The following MAST4 variants were observed in gnomAD, a reference collection of about 807,000 sequenced individuals.
The protein encoded by MAST4 is microtubule associated serine/threonine kinase family member 4, also known as microtubule-associated serine/threonine-protein kinase 4.
A neutral mutation model predicts 162.7 loss-of-function variants in MAST4; 89 were observed. The observed-to-expected ratio is 0.55, with a 90% CI of 0.46 to 0.65. The LOEUF is 0.65. Among genes scored for constraint, MAST4 ranks in the 30% least tolerant of loss-of-function variants. The probability of loss-of-function intolerance (pLI) is 0.00; values close to 1 mark genes in which losing one functional copy is unlikely to be tolerated. For synonymous variants in MAST4, 1,479 were observed against 1,361.1 expected (o/e 1.09, Z -1.91); for missense variants, 3,153 against 3,374.0 (o/e 0.93, Z 1.62).
intron 3 of MAST4, among the ~76,000 whole-genome samples, chr5:66,791,473 A>G (rs1199891193): frequency 6.6e-6 from 1 of 152,246 alleles, no homozygotes; most frequent in African/African-American, 2.4e-5. Context: ...ACATGAGAAG[A>G]GTACCTCCCA....
At chr5:67,024,465 G>A (rs983181571) in intron 4 of MAST4, among the ~76,000 whole-genome samples, 37 of 151,080 alleles carry the variant, frequency 2.4e-4, no homozygotes, top group Non-Finnish European at 5.3e-4. Context: ...AAAATGTGGG[G>A]TGTGTATATA....
At chr5:66,759,912 G>T in intron 2 of MAST4, 50 bp downstream of exon 2, 2 of 1,596,926 alleles carry the variant, frequency 1.3e-6, no homozygotes, top group South Asian at 2.2e-5. Flanking sequence ...TCTTTACAAG[G>T]TCCTGCATGG....
At chr5:66,933,186 A>G (rs1163464540) in intron 4 of MAST4, among the ~76,000 whole-genome samples, 3 of 152,142 alleles carry the variant, frequency 2.0e-5, no homozygotes, top group Non-Finnish European at 4.4e-5. Context: ...TACAGTTCTG[A>G]TAAACTCCCT....
At chr5:66,705,067 C>T (rs886340733) in intron 1 of MAST4, among the ~76,000 whole-genome samples, 1 of 152,140 alleles carries the variant, frequency 6.6e-6, no homozygotes, top group African/African-American at 2.4e-5. Flanking sequence ...TCCATAGTTC[C>T]TCTGCTGACC....
chr5:67,161,443 C>T lies in MAST4; in HGVS notation c.3785+851C>T, dbSNP rs116400686. Among the ~76,000 whole-genome samples, 1,126 of 151,732 alleles carry T rather than the reference C, an allele frequency of 7.4e-3. 16 individuals carry two copies. Among genetic ancestry groups the T allele is most frequent in the African/African-American group, 0.026 (1,088 of 41,384 alleles). ...TTTTTCTAACCAAAAATTTTGCTTT[C>T]GCTATATTGGGAAGAATAGAAAAGG... On this transcript the variant is annotated intron_variant, in intron 27 of 28. Coordinates refer to ENST00000403625, the MANE Select transcript of MAST4 (RefSeq NM_001164664.2).
At chr5:66,910,314 C>A (rs1224245936) in intron 4 of MAST4, among the ~76,000 whole-genome samples, 1 of 152,174 alleles carries the variant, frequency 6.6e-6, no homozygotes, top group East Asian at 1.9e-4. Flanking sequence ...ATAGTGACAG[C>A]CACACTGGTG....
intron 5 of MAST4, among the ~76,000 whole-genome samples, chr5:67,078,864 A>ATATATT (rs1491532016): frequency 0.016 from 1,814 of 112,324 alleles, 108 homozygotes; most frequent in African/African-American, 0.065. Context: ...ATTTATATAA[A>ATATATT]TATATATTTA....
At chr5:66,996,540 A>G (rs1311891739) in intron 4 of MAST4, among the ~76,000 whole-genome samples, 1 of 152,242 alleles carries the variant, frequency 6.6e-6, no homozygotes, top group African/African-American at 2.4e-5. Flanking sequence ...AAAGGTCAGA[A>G]GTCCGAAATC....
intron 1 of MAST4, among the ~76,000 whole-genome samples, chr5:66,678,720 C>T (rs1218144699): frequency 2.0e-5 from 3 of 151,942 alleles, no homozygotes; most frequent in Admixed American, 1.3e-4. Flanking sequence ...GTCTCCATCT[C>T]TTGATCTCGT....
chr5:67,030,980 A>C (rs1755242674), intron 4 of MAST4, among the ~76,000 whole-genome samples: 2 of 152,142 alleles, frequency 1.3e-5, no homozygotes, highest in South Asian at 4.1e-4. Context: ...TTTTGTTTAA[A>C]GTGTGGATAA....
chr5:66,726,870 T>C (rs1751555421), intron 1 of MAST4, among the ~76,000 whole-genome samples: 1 of 152,080 alleles, frequency 6.6e-6, no homozygotes, highest in African/African-American at 2.4e-5. Context: ...GTGGAAAAAT[T>C]GTCTTCCATG....
chr5:66,889,953 T>C (rs1306550082), intron 3 of MAST4, among the ~76,000 whole-genome samples: 2 of 152,354 alleles, frequency 1.3e-5, no homozygotes, highest in Admixed American at 1.3e-4. Flanking sequence ...GTTTAATCAC[T>C]ATGAAACATA....
At chr5:67,079,594 G>A (rs1762369755) in intron 5 of MAST4, among the ~76,000 whole-genome samples, 1 of 151,994 alleles carries the variant, frequency 6.6e-6, no homozygotes, top group African/African-American at 2.4e-5. Flanking sequence ...AGGTTTTTTG[G>A]CTTTATCGTA....
rs761858149 is a variant in MAST4, at chr5:67,164,305, A to G, written c.5126A>G (p.Lys1709Arg). ...AACCTCTGCCCTGTGCTGAAGCCCA[A>G]GATGACAGCTGGCTCCCACGAATGC... The part of the protein sequence containing the change: ...EDNLCPVLKP[K>R]MTAGSHECLP... The change falls in exon 29 of 29, where the codon AAG (lysine) becomes AGG (arginine). Residue 1709 changes from lysine to arginine, a missense_variant. Physicochemically the swap from Lys to Arg is conservative, Grantham distance 26. This residue lies in a region of MAST4 where 1,644 missense variants were observed against 1,495.0 expected (regional missense o/e 1.10). Transcript: ENST00000403625. The surrounding 1 kb of genome is among the most constrained non-coding windows in gnomAD (Gnocchi z 5.3). The G allele has an allele frequency of 3.1e-6, 5 of 1,614,002 alleles. No homozygotes were observed. The highest frequency in any genetic ancestry group is 1.7e-5 in the Admixed American group (1 of 60,030).
chr5:66,791,563 G>A (rs1457852984), intron 3 of MAST4, among the ~76,000 whole-genome samples: 1 of 152,132 alleles, frequency 6.6e-6, no homozygotes, highest in East Asian at 1.9e-4. Context: ...TGTTTATAGT[G>A]TTTGCTTAAT....
intron 4 of MAST4, among the ~76,000 whole-genome samples, chr5:66,996,156 G>A (rs1478482100): frequency 2.0e-5 from 3 of 152,170 alleles, no homozygotes; most frequent in Non-Finnish European, 2.9e-5. Context: ...GCAGGCACGT[G>A]TAATCCCGGC....
intron 3 of MAST4, among the ~76,000 whole-genome samples, chr5:66,893,862 C>T (rs1762516454): frequency 6.6e-6 from 1 of 152,102 alleles, no homozygotes; most frequent in African/African-American, 2.4e-5. Flanking sequence ...ACAGCCAAGC[C>T]CTGTGTAAGA....
intron 2 of MAST4, among the ~76,000 whole-genome samples, chr5:66,770,924 A>G (rs996330848): frequency 1.3e-5 from 2 of 152,218 alleles, no homozygotes; most frequent in African/African-American, 4.8e-5. Context: ...AAAAGGTAAC[A>G]TAGGCCTTCA....
chr5:66,979,387 A>T (rs1305987147), intron 4 of MAST4, among the ~76,000 whole-genome samples: 1 of 152,134 alleles, frequency 6.6e-6, no homozygotes, highest in African/African-American at 2.4e-5. Context: ...AAGAAAAAAA[A>T]ATAGTCATTA....
Sources: gnomAD v4.1 joint callset for allele counts (sites outside exome capture counted in the v4.1 genomes callset) on GRCh38, gnomAD v4.1.1 for gene constraint, gnomAD v4.1.1 regional missense constraint, Gnocchi (gnomAD v3.1) non-coding constraint, MANE v1.5 for transcripts, NCBI Gene and HGNC (gene_info 2026-07-23, HGNC 2026-07-21) for gene names.